Variants in TMEM150C observed in about 807,000 individuals in gnomAD.
TMEM150C encodes tentonin 3.
A neutral mutation model predicts 29.9 loss-of-function variants in TMEM150C; 10 were observed. That is an observed-to-expected ratio of 0.33 (90% CI 0.21 to 0.57). TMEM150C has a LOEUF of 0.57. TMEM150C is among the 20% of genes least tolerant of loss of function. The probability of loss-of-function intolerance (pLI) is 0.88; values close to 1 mark genes in which losing one functional copy is unlikely to be tolerated. For synonymous variants in TMEM150C, 101 were observed against 112.5 expected (o/e 0.90, Z 0.64); for missense variants, 251 against 303.6 (o/e 0.83, Z 1.29).
chr4:82,506,281 G>A (rs777100001), intron 1 of TMEM150C, among the ~76,000 whole-genome samples: 3 of 152,174 alleles, frequency 2.0e-5, no homozygotes, highest in Admixed American at 1.3e-4. Context: ...CAACATCTCA[G>A]GAGGTCTTAG....
At chr4:82,493,423 T>C (rs147094441) in intron 6 of TMEM150C, among the ~76,000 whole-genome samples, 93 of 152,290 alleles carry the variant, frequency 6.1e-4, no homozygotes, top group African/African-American at 2.2e-3. Flanking sequence ...TAATGAGGGA[T>C]AGATTGAAAA....
In TMEM150C at chr4:82,502,778, G is replaced by A; in HGVS notation, c.184C>T (p.Pro62Ser). ...APYISIAGDD[P>S]PASCVFSQVM... ...TGACTAAACACACAGCTTGCAGGAG[G>A]ATCATCACCTGCAATGCTTGAAAAA... The change falls in exon 5 of 8, where the codon CCT becomes TCT. Residue 62 changes from proline to serine, a missense_variant. Pro to Ser is a moderately conservative substitution (Grantham distance 74). Transcript: ENST00000449862. 1 of 1,607,486 alleles carries A rather than the reference G, an allele frequency of 6.2e-7. No homozygotes were observed.
At chr4:82,526,750 C>T (rs1724664205) in intron 1 of TMEM150C, among the ~76,000 whole-genome samples, 1 of 152,150 alleles carries the variant, frequency 6.6e-6, no homozygotes, top group Non-Finnish European at 1.5e-5. Flanking sequence ...AATTATAATG[C>T]TTAGATGGTC....
chr4:82,500,814 A>G (rs1372707404), intron 5 of TMEM150C, among the ~76,000 whole-genome samples: 1 of 152,276 alleles, frequency 6.6e-6, no homozygotes, highest in African/African-American at 2.4e-5. Flanking sequence ...GTGGCTTCCA[A>G]TGTGCTCACT....
At chr4:82,512,242 T>A (rs939127548) in intron 1 of TMEM150C, among the ~76,000 whole-genome samples, 7 of 152,140 alleles carry the variant, frequency 4.6e-5, no homozygotes, top group Non-Finnish European at 8.8e-5. Context: ...ATGGCAGCCA[T>A]AATGTAACCA....
chr4:82,550,496 T>C (rs886807677), intron 1 of TMEM150C, among the ~76,000 whole-genome samples: 1 of 151,446 alleles, frequency 6.6e-6, no homozygotes, highest in South Asian at 2.1e-4. Flanking sequence ...GATTGAGGAG[T>C]AGGGTATGAA....
intron 1 of TMEM150C, among the ~76,000 whole-genome samples, chr4:82,530,084 ATCTCTCTC>A (rs144911438): frequency 4.1e-5 from 6 of 147,150 alleles, no homozygotes; most frequent in Admixed American, 6.8e-5. Context: ...CTCTCTTTCA[ATCTCTCTC>A]TCTCTCTCTC....
intron 1 of TMEM150C, among the ~76,000 whole-genome samples, chr4:82,516,802 T>C (rs1055137608): frequency 6.6e-5 from 10 of 152,318 alleles, no homozygotes; most frequent in Middle Eastern, 3.4e-3. Flanking sequence ...ATCCTTCAAA[T>C]AGTCTCTTAG....
At chr4:82,521,222 T>C (rs1724473779) in intron 1 of TMEM150C, among the ~76,000 whole-genome samples, 1 of 152,226 alleles carries the variant, frequency 6.6e-6, no homozygotes, top group African/African-American at 2.4e-5. Context: ...TATTACATTT[T>C]ATCTATTTTA....
chr4:82,556,216 G>T (rs1479982209), intron 1 of TMEM150C, among the ~76,000 whole-genome samples: 1 of 152,118 alleles, frequency 6.6e-6, no homozygotes, highest in Non-Finnish European at 1.5e-5. Context: ...GACCTCGAGT[G>T]ATCCACCCGC....
intron 1 of TMEM150C, among the ~76,000 whole-genome samples, chr4:82,537,953 G>A (rs915469530): frequency 1.3e-5 from 2 of 152,182 alleles, no homozygotes; most frequent in Non-Finnish European, 2.9e-5. Flanking sequence ...AAGCCACAAA[G>A]TCTGTGGTAA....
At chr4:82,531,084 T>A (rs1047294608) in intron 1 of TMEM150C, among the ~76,000 whole-genome samples, 3 of 151,808 alleles carry the variant, frequency 2.0e-5, no homozygotes, top group Non-Finnish European at 4.4e-5. Context: ...CCAAACCATA[T>A]CAATGGCAAA....
At chr4:82,532,751 C>T (rs1479671594) in intron 1 of TMEM150C, among the ~76,000 whole-genome samples, 4 of 145,788 alleles carry the variant, frequency 2.7e-5, no homozygotes, top group African/African-American at 1.0e-4. Flanking sequence ...TTTTTTGAGA[C>T]AGAGTCTCAC....
rs939956532 is a variant in TMEM150C at position 82,490,379 on chromosome 4, C to T, written c.364-141G>A. ...ATGATAGATTGCAGAAAGATTAGCTCTTCGTTCTATTCTCAAATGGTTTGA... is the reference window on the plus strand; with the variant it reads ...ATGATAGATTGCAGAAAGATTAGCTTTTCGTTCTATTCTCAAATGGTTTGA... On this transcript the variant is annotated intron_variant, in intron 6 of 7. Coordinates refer to ENST00000449862, the MANE Select transcript of TMEM150C (RefSeq NM_001080506.3). The T allele has an allele frequency of 2.7e-5, 21 of 764,182 alleles. No homozygotes were observed. In the East Asian group the frequency reaches 5.2e-4, roughly 19 times the overall value. The allele number at this position is 764,182 out of a possible 1,614,324, so 47.3% of individuals were successfully genotyped here.
intron 2 of TMEM150C, among the ~76,000 whole-genome samples, chr4:82,503,328 T>C (rs191462527): frequency 7.9e-5 from 12 of 152,266 alleles, no homozygotes; most frequent in Admixed American, 3.9e-4. Context: ...CCCAAAGTAA[T>C]GGCCATGCTT....
At chr4:82,521,473 G>A (rs1019943367) in intron 1 of TMEM150C, among the ~76,000 whole-genome samples, 5 of 152,202 alleles carry the variant, frequency 3.3e-5, no homozygotes, top group Non-Finnish European at 7.3e-5. Flanking sequence ...AATAACTACA[G>A]CATGCGGAAC....
rs113689314 is a variant in TMEM150C at position 82,485,396 on chromosome 4, A to AAG, written c.*114_*115insCT. ...GCTCATTTGGCAAATGTGGCCATGA[A>AAG]TGTGTGTGTGTGTGTGTGTGTGAAA... On this transcript the variant is annotated 3_prime_UTR_variant, in exon 8 of 8. Transcript: ENST00000449862. 2.9e-6 allele frequency: 2 copies of AAG among 694,310 alleles called. No individual in the cohort carries two copies. The highest frequency in any genetic ancestry group is 2.4e-6 in the Non-Finnish European group (1 of 418,170). 43.0% of individuals were successfully genotyped at this position (694,310 alleles called of 1,614,324 possible). A position where few individuals can be genotyped will look rare whatever the true frequency, so the allele number is the denominator to read the frequency against.
intron 1 of TMEM150C, among the ~76,000 whole-genome samples, chr4:82,532,548 T>A (rs555230186): frequency 6.6e-6 from 1 of 152,170 alleles, no homozygotes; most frequent in Non-Finnish European, 1.5e-5. Flanking sequence ...AAGAAAGATA[T>A]GCAAAGTAGC....
chr4:82,518,642 C>T (rs1241506088), intron 1 of TMEM150C, among the ~76,000 whole-genome samples: 1 of 152,198 alleles, frequency 6.6e-6, no homozygotes, highest in Non-Finnish European at 1.5e-5. Context: ...AGGGGTTTCT[C>T]TTTTTGTTCC....
Sources: gnomAD v4.1 joint callset for allele counts (sites outside exome capture counted in the v4.1 genomes callset) on GRCh38, gnomAD v4.1.1 for gene constraint, MANE v1.5 for transcripts, NCBI Gene and HGNC (gene_info 2026-07-23, HGNC 2026-07-21) for gene names.